Variants in UGGT1 observed in about 807,000 individuals in gnomAD.
UGGT1 encodes the protein UDP-glucose glycoprotein glucosyltransferase 1, also known as UDP-glucose:glycoprotein glucosyltransferase 1.
UGGT1 carries 107 observed loss-of-function variants against 203.9 expected under a neutral mutation model. That is an observed-to-expected ratio of 0.52 (90% CI 0.45 to 0.62). UGGT1 has a LOEUF of 0.62. Ranked by LOEUF, UGGT1 falls within the 20% of genes least tolerant of loss-of-function variation. The probability of loss-of-function intolerance (pLI) is 0.00; values close to 1 mark genes in which losing one functional copy is unlikely to be tolerated. For synonymous variants in UGGT1, 628 were observed against 653.5 expected (o/e 0.96, Z 0.59); for missense variants, 1,673 against 1,867.2 (o/e 0.90, Z 1.92).
chr2:128,135,565 A>C lies in UGGT1; in HGVS notation c.1583+604A>C, dbSNP rs189689756. 8.3e-4 allele frequency among the ~76,000 whole-genome samples: 127 copies of C among 152,358 alleles called. No individual in the cohort carries two copies. In the East Asian group the frequency reaches 0.019, roughly 23 times the overall value. Reference sequence around the variant, plus strand: ...TTAGAAAATGTGAAAATAAAGAAGAAAATAACTCTTTATTCAATAAATATT... The same window carrying C: ...TTAGAAAATGTGAAAATAAAGAAGACAATAACTCTTTATTCAATAAATATT... On this transcript the variant is annotated intron_variant, in intron 15 of 40. Coordinates refer to ENST00000259253, the MANE Select transcript of UGGT1 (RefSeq NM_020120.4).
chr2:128,157,702 C>T lies in UGGT1; in HGVS notation c.2355+356C>T, dbSNP rs550062510. The stretch of plus-strand genomic sequence containing the variant: ...ATGGGGTCCTTACCACGACAGAGGT[C>T]TGGACATGGGGGCAGTAGCACACAG... On this transcript the variant is annotated intron_variant, in intron 22 of 40. Transcript: ENST00000259253. Among the ~76,000 whole-genome samples, 7 of 152,282 alleles carry T rather than the reference C, an allele frequency of 4.6e-5. No individual in the cohort carries two copies. The South Asian group carries it at 1.4e-3, about 32-fold the overall frequency.
chr2:128,121,141 T>A (rs1688362771), intron 9 of UGGT1, 58 bp from the exon 10 acceptor site: 1 of 1,552,284 alleles, frequency 6.4e-7, no homozygotes, highest in Admixed American at 1.7e-5. Context: ...GGATTTTGTT[T>A]TCTGCTTCTC....
intron 26 of UGGT1, among the ~76,000 whole-genome samples, chr2:128,167,749 C>T (rs145421068): frequency 9.5e-4 from 144 of 152,264 alleles, no homozygotes; most frequent in Middle Eastern, 3.4e-3. Flanking sequence ...TGATGTTGTT[C>T]ATATTGTTCC....
chr2:128,176,401 C>CT (rs374065570), intron 31 of UGGT1, among the ~76,000 whole-genome samples: 3 of 112,516 alleles, frequency 2.7e-5, no homozygotes, highest in African/African-American at 1.1e-4. Context: ...GAGCAAAACT[C>CT]TGTCTCAAAA....
chr2:128,104,907 A>G (rs1444312301), intron 3 of UGGT1, among the ~76,000 whole-genome samples: 1 of 152,176 alleles, frequency 6.6e-6, no homozygotes, highest in Non-Finnish European at 1.5e-5. Context: ...TCAGCCTCCC[A>G]AAGTGCTGGG....
chr2:128,164,037 G>T (rs1232412006), intron 25 of UGGT1, among the ~76,000 whole-genome samples: 1 of 152,006 alleles, frequency 6.6e-6, no homozygotes, highest in Non-Finnish European at 1.5e-5. Context: ...AAATTAGCTG[G>T]GCCTGGTGCT....
chr2:128,171,077 T>C (rs1691073023), intron 27 of UGGT1, 128 bp from the exon 28 acceptor site: 8 of 820,808 alleles, frequency 9.7e-6, no homozygotes, highest in Admixed American at 8.8e-5. Flanking sequence ...TTTCCAGAAG[T>C]TTCGCCAGTG....
Position 128,145,824 on chromosome 2 carries a change from C to A in UGGT1, c.1873C>A (p.Gln625Lys). Residue 625 changes from glutamine (Q) to lysine (K), a missense_variant, in exon 18 of 41, where the codon CAG becomes AAG. Transcript: ENST00000259253. ...TCAGGAAGCAAGAGGCTACTATGAG[C>A]AGACTGGAGTTGGACCTCTGCCCGT... ...NRKEARGYYEQTGVGPLPVVL... is the reference protein window; with the variant it reads ...NRKEARGYYEKTGVGPLPVVL... 2 of 1,603,054 alleles carry A rather than the reference C, an allele frequency of 1.2e-6. No individual in the cohort carries two copies. Among genetic ancestry groups the A allele is most frequent in the East Asian group, 2.2e-5 (1 of 44,534 alleles).
chr2:128,155,587 G>C lies in UGGT1; in HGVS notation c.2236G>C (p.Gly746Arg). 4.4e-6 allele frequency: 7 copies of C among 1,608,292 alleles called. No homozygotes were observed. The highest frequency in any genetic ancestry group is 5.9e-6 in the Non-Finnish European group (7 of 1,177,694). ...TAGTATGAACTATCTGACAAAGAAA[G>C]GTAATCCATTTGAGGCTTATTATCT... is the stretch of plus-strand genomic sequence containing the variant. ...ANSMNYLTKKGMSSKEIYDDS... is the reference protein window; with the variant it reads ...ANSMNYLTKKRMSSKEIYDDS... The change falls in exon 20 of 41, where the codon GGA becomes CGA. Residue 746 changes from glycine (G) to arginine (R), a missense_variant and splice_region_variant. Transcript: ENST00000259253.
intron 26 of UGGT1, among the ~76,000 whole-genome samples, chr2:128,166,562 G>A (rs1690799685): frequency 2.0e-5 from 3 of 152,180 alleles, no homozygotes; most frequent in African/African-American, 4.8e-5. Flanking sequence ...ACATATTACA[G>A]AGTTGTGTCT....
chr2:128,109,786 C>T (rs184882783), intron 5 of UGGT1, 40 bp downstream of exon 5: 1 of 1,521,952 alleles, frequency 6.6e-7, no homozygotes, highest in Admixed American at 1.7e-5. Context: ...CATGCATTTC[C>T]AGTGCTGCTT....
In UGGT1 at chr2:128,106,084, C is replaced by T. The variant is rs185695141; in HGVS notation, c.278-1854C>T. Among the ~76,000 whole-genome samples, 804 of 149,010 alleles carry T rather than the reference C, an allele frequency of 5.4e-3. 5 individuals are homozygous for T. Among genetic ancestry groups the T allele is most frequent in the Non-Finnish European group, 7.1e-3 (479 of 67,514 alleles). ...CCTCCTAAAGTGATGGGATTACAGGCGTGGGCCACCATGCCCAGCCTGAAT... is the reference window on the plus strand; with the variant it reads ...CCTCCTAAAGTGATGGGATTACAGGTGTGGGCCACCATGCCCAGCCTGAAT... On this transcript the variant is annotated intron_variant, in intron 3 of 40. Coordinates refer to ENST00000259253, the MANE Select transcript of UGGT1 (RefSeq NM_020120.4).
At chr2:128,149,937 G>C (rs1159465917) in intron 18 of UGGT1, among the ~76,000 whole-genome samples, 2 of 152,178 alleles carry the variant, frequency 1.3e-5, no homozygotes, top group African/African-American at 4.8e-5. Context: ...ACTCCAGCCT[G>C]GGCGACAAGA....
chr2:128,174,706 A>T (rs1691286889), intron 30 of UGGT1, 67 bp from the exon 31 acceptor site: 2 of 1,236,596 alleles, frequency 1.6e-6, no homozygotes, highest in Non-Finnish European at 1.2e-6. Context: ...AATAGAAGTA[A>T]CTGTTCCTCA....
chr2:128,127,940 A>T (rs1178005441), intron 12 of UGGT1, among the ~76,000 whole-genome samples: 3 of 152,004 alleles, frequency 2.0e-5, no homozygotes, highest in Non-Finnish European at 4.4e-5. Context: ...CATGCCTAGT[A>T]GTGTGTATCT....
chr2:128,159,580 A>G lies in UGGT1; in HGVS notation c.2422A>G (p.Thr808Ala). The G allele has an allele frequency of 1.2e-6, 2 of 1,614,212 alleles. No homozygotes were observed. The highest frequency in any genetic ancestry group is 2.2e-5 in the East Asian group (1 of 44,884). The stretch of plus-strand genomic sequence containing the variant: ...TGCCAAAGAGATAAGCTATGAGAAC[A>G]CTCAGATCTCCAGAGCAATCTGGGC... ...NPAKEISYEN[T>A]QISRAIWAAL... is the part of the protein sequence containing the mutation. Residue 808 changes from threonine to alanine, a missense_variant, in exon 23 of 41, where the codon ACT becomes GCT. Coordinates refer to ENST00000259253, the MANE Select transcript of UGGT1 (RefSeq NM_020120.4).
chr2:128,155,432 A>T (rs1345246941), intron 19 of UGGT1, 57 bp from the exon 20 acceptor site: 8 of 1,275,796 alleles, frequency 6.3e-6, no homozygotes, highest in Non-Finnish European at 9.0e-6. Flanking sequence ...TATCAGTTGA[A>T]TATTAAGAAT....
chr2:128,177,543 G>GT (rs1261589878), intron 32 of UGGT1, among the ~76,000 whole-genome samples: 3 of 148,658 alleles, frequency 2.0e-5, no homozygotes, highest in African/African-American at 7.4e-5. Flanking sequence ...CGTGCTTCTG[G>GT]TTTCACTGCA....
In UGGT1 at chr2:128,186,773, A is replaced by G. The variant is rs1033598472; in HGVS notation, c.4450A>G (p.Lys1484Glu). Residue 1484 changes from lysine (K) to glutamate (E), a missense_variant, in exon 39 of 41, where the codon AAG (lysine) becomes GAG (glutamate). Coordinates refer to ENST00000259253, the MANE Select transcript of UGGT1 (RefSeq NM_020120.4). ...WCETWCDDAS[K>E]KRAKTIDLCN... ...TGAAACGTGGTGTGATGACGCCTCT[A>G]AGAAAAGGGCAAAAACCATTGATTT... The G allele has an allele frequency of 1.9e-6, 3 of 1,613,112 alleles. No homozygotes were observed. In the African/African-American group the frequency reaches 4.0e-5, roughly 22 times the overall value.
Sources: allele counts gnomAD v4.1 joint callset (sites outside exome capture counted in the v4.1 genomes callset), GRCh38; gene constraint gnomAD v4.1.1; transcripts MANE v1.5; gene names NCBI Gene and HGNC (gene_info 2026-07-23, HGNC 2026-07-21).